The following RNF212B variants were observed in gnomAD, a reference collection of about 807,000 sequenced individuals.
RNF212B encodes ring finger protein 212B.
Under a neutral mutation model 55.5 loss-of-function variants are expected in RNF212B, and 52 were observed. The observed-to-expected ratio is 0.94, with a 90% CI of 0.75 to 1.18. The LOEUF is 1.18. RNF212B is among the 50% of genes most tolerant of loss of function. RNF212B has a pLI of 0.00. For synonymous variants in RNF212B, 99 were observed against 121.4 expected, an observed-to-expected ratio of 0.82 and a Z score of 1.21; for missense variants, 289 against 350.4, an observed-to-expected ratio of 0.82 and a Z score of 1.40.
intron 2 of RNF212B, among the ~76,000 whole-genome samples, chr14:23,214,865 C>T (rs184237296): frequency 1.4e-4 from 21 of 152,152 alleles, no homozygotes; most frequent in Non-Finnish European, 2.4e-4. Context: ...GCCACAAATT[C>T]AAAAAGCTGA....
chr14:23,203,803 C>T (rs1308488724), intron 2 of RNF212B, among the ~76,000 whole-genome samples: 8 of 152,158 alleles, frequency 5.3e-5, no homozygotes, highest in African/African-American at 1.9e-4. Flanking sequence ...AAGGAATCTC[C>T]ACACTGTTTT....
At chr14:23,266,240 T>C (rs1194224639) in intron 11 of RNF212B, among the ~76,000 whole-genome samples, 1 of 151,894 alleles carries the variant, frequency 6.6e-6, no homozygotes, top group Non-Finnish European at 1.5e-5. Context: ...ATTATACCCA[T>C]GCTGATCCCA....
chr14:23,240,322 C>T (rs1883477269), intron 1 of RNF212B, 23 bp from the exon 2 acceptor site: 1 of 1,455,352 alleles, frequency 6.9e-7, no homozygotes, highest in African/African-American at 1.4e-5. Flanking sequence ...GTTATTCTTA[C>T]TCTTTCTCTT....
At chr14:23,230,104 T>C (rs1413328981) in intron 2 of RNF212B, 1 of 187,500 alleles carries the variant, frequency 5.3e-6, no homozygotes, top group Non-Finnish European at 1.2e-5. Context: ...CTGAAAGTCT[T>C]GTGAGAAGAC....
chr14:23,188,133 T>G (rs1477574800), intron 1 of RNF212B: 2 of 152,212 alleles, frequency 1.3e-5, no homozygotes, highest in Non-Finnish European at 2.9e-5. Context: ...TGCTTTGTTA[T>G]GATGGTTAAT....
At chr14:23,232,807 C>A (rs1456352742) in intron 2 of RNF212B, among the ~76,000 whole-genome samples, 1 of 148,328 alleles carries the variant, frequency 6.7e-6, no homozygotes, top group African/African-American at 2.4e-5. Context: ...AGCCTCTGCC[C>A]GGCCGCCACC....
At chr14:23,234,250 A>G (rs1040803853), upstream of RNF212B, among the ~76,000 whole-genome samples, 6 of 151,108 alleles carry the variant, frequency 4.0e-5, no homozygotes, top group Admixed American at 2.0e-4. Flanking sequence ...GCCCTTTAGG[A>G]TTTAAGTTGA....
At chr14:23,230,381 G>A (rs1291911306) in intron 2 of RNF212B, among the ~76,000 whole-genome samples, 2 of 151,956 alleles carry the variant, frequency 1.3e-5, no homozygotes, top group Admixed American at 6.6e-5. Flanking sequence ...CCGGCCGGGC[G>A]CGGTGGCTCA....
At chr14:23,233,086 G>C (rs370871380), upstream of RNF212B, among the ~76,000 whole-genome samples, 3 of 152,252 alleles carry the variant, frequency 2.0e-5, no homozygotes, top group East Asian at 1.9e-4. Context: ...GCCTTGGGAT[G>C]CTGTTGATCT....
At chr14:23,234,623 A>G (rs1419611791), upstream of RNF212B, among the ~76,000 whole-genome samples, 1 of 152,196 alleles carries the variant, frequency 6.6e-6, no homozygotes, top group African/African-American at 2.4e-5. Context: ...ACTTGGTTCT[A>G]TTTCTAGACT....
intron 2 of RNF212B, among the ~76,000 whole-genome samples, chr14:23,203,739 A>G (rs60933668): frequency 0.011 from 1,647 of 152,182 alleles, 38 homozygotes; most frequent in African/African-American, 0.037. Flanking sequence ...TGGCCTCCCA[A>G]AGTGCTGGGA....
At chr14:23,262,000 ACTCT>A (rs986439092) in intron 7 of RNF212B, among the ~76,000 whole-genome samples, 3 of 151,078 alleles carry the variant, frequency 2.0e-5, no homozygotes, top group Admixed American at 6.6e-5. Flanking sequence ...ACAAAACAAA[ACTCT>A]CTCTATATAT....
At chr14:23,235,483 T>G (rs1267908789), upstream of RNF212B, among the ~76,000 whole-genome samples, 2 of 152,228 alleles carry the variant, frequency 1.3e-5, no homozygotes, top group African/African-American at 4.8e-5. Context: ...GACTTAGGTA[T>G]TTGGTAGGCA....
chr14:23,220,162 C>T (rs1191475094), intron 2 of RNF212B, among the ~76,000 whole-genome samples: 1 of 151,370 alleles, frequency 6.6e-6, no homozygotes, highest in Non-Finnish European at 1.5e-5. Flanking sequence ...CCAGCCTGGG[C>T]AACAAGAGCA....
At chr14:23,192,750 CTATGCCTT>C (rs1373908708) in intron 1 of RNF212B, among the ~76,000 whole-genome samples, 1 of 152,064 alleles carries the variant, frequency 6.6e-6, no homozygotes, top group Non-Finnish European at 1.5e-5. Flanking sequence ...TTGGTGATAA[CTATGCCTT>C]TATGCCTTTA....
chr14:23,218,086 A>G (rs902590312), intron 2 of RNF212B, among the ~76,000 whole-genome samples: 4 of 152,102 alleles, frequency 2.6e-5, no homozygotes, highest in African/African-American at 9.7e-5. Flanking sequence ...TGAAAATTGC[A>G]GGCCAGGCGC....
At chr14:23,192,981 A>G (rs1187507835) in intron 1 of RNF212B, among the ~76,000 whole-genome samples, 1 of 151,768 alleles carries the variant, frequency 6.6e-6, no homozygotes, top group Non-Finnish European at 1.5e-5. Context: ...AATCCCAGCT[A>G]CTAGGGAGGC....
At chr14:23,197,457 G>T (rs143146142) in intron 2 of RNF212B, among the ~76,000 whole-genome samples, 11,115 of 152,160 alleles carry the variant, frequency 0.073, 486 homozygotes, top group South Asian at 0.21. Context: ...AACCCGGGAG[G>T]CGGAGGTTGC....
intron 2 of RNF212B, among the ~76,000 whole-genome samples, chr14:23,202,849 CAAAA>C (rs796329912): frequency 1.6e-5 from 1 of 63,392 alleles, no homozygotes; most frequent in Non-Finnish European, 3.4e-5. Context: ...GACCCTGTCT[CAAAA>C]AAAAAAAAAA....
Sources: gnomAD v4.1 joint callset for allele counts (sites outside exome capture counted in the v4.1 genomes callset) on GRCh38, gnomAD v4.1.1 for gene constraint, MANE v1.5 for transcripts, NCBI Gene and HGNC (gene_info 2026-07-23, HGNC 2026-07-21) for gene names.